NSD2: variants seen among roughly 807,000 people sequenced by gnomAD.
NSD2 encodes the protein histone-lysine N-methyltransferase NSD2.
A neutral mutation model predicts 139.0 loss-of-function variants in NSD2; 12 were observed. That is an observed-to-expected ratio of 0.09 (90% confidence interval 0.06 to 0.14). The LOEUF (loss-of-function observed/expected upper bound fraction) is 0.14. Among genes scored for constraint, NSD2 ranks in the 10% least tolerant of loss-of-function variants. The pLI, the probability that NSD2 is intolerant of heterozygous loss-of-function variation, is 1.00. For missense variants in NSD2, 1,155 were observed against 1,745.0 expected (o/e 0.66, Z 6.02); for synonymous variants, 669 against 648.7 (o/e 1.03, Z -0.48).
At chr4:1,949,919 C>T (rs1724037597) in intron 9 of NSD2, among the ~76,000 whole-genome samples, 3 of 152,162 alleles carry the variant, frequency 2.0e-5, no homozygotes, top group African/African-American at 7.2e-5. Flanking sequence ...TCAAGAGTCC[C>T]TGGTGGGGTT....
intron 1 of NSD2, among the ~76,000 whole-genome samples, chr4:1,895,047 G>A (rs868368136): frequency 2.0e-5 from 3 of 152,174 alleles, no homozygotes; most frequent in South Asian, 2.1e-4. Flanking sequence ...TGTCTTTTTT[G>A]TGTCTGCCTT....
chr4:1,932,778 T>TG, intron 6 of NSD2, among the ~76,000 whole-genome samples: 1 of 152,286 alleles, frequency 6.6e-6, no homozygotes, highest in Non-Finnish European at 1.5e-5. Context: ...TCCATACAGA[T>TG]GCCCCTGTTG....
At chr4:1,953,606 G>C in intron 12 of NSD2, 82 bp downstream of exon 12, 3 of 1,475,822 alleles carry the variant, frequency 2.0e-6, no homozygotes, top group East Asian at 2.3e-5. Flanking sequence ...AAGGTGGGCT[G>C]TTGGGATTGT....
At chr4:1,967,654 A>G (rs1212572952) in intron 18 of NSD2, among the ~76,000 whole-genome samples, 1 of 152,112 alleles carries the variant, frequency 6.6e-6, no homozygotes, top group East Asian at 1.9e-4. Flanking sequence ...GTGTTGCCAG[A>G]CACTGAGGTT....
chr4:1,938,584 C>CTGGGTGGGG, intron 8 of NSD2, 52 bp downstream of exon 8: 1 of 511,660 alleles, frequency 2.0e-6, no homozygotes, highest in East Asian at 4.7e-5. Context: ...CCAGGCTGGG[C>CTGGGTGGGG]TGGGTGGGTG....
At chr4:1,977,332 G>C (rs1222409755) in intron 21 of NSD2, among the ~76,000 whole-genome samples, 1 of 152,250 alleles carries the variant, frequency 6.6e-6, no homozygotes, top group Non-Finnish European at 1.5e-5. Context: ...TGAGAAATGG[G>C]TCGTGAGATG....
chr4:1,925,263 A>G (rs963535332), intron 5 of NSD2, among the ~76,000 whole-genome samples: 1 of 152,086 alleles, frequency 6.6e-6, no homozygotes, highest in Non-Finnish European at 1.5e-5. Context: ...CTTGAGGGAT[A>G]GAGTCAGGTG....
intron 1 of NSD2, among the ~76,000 whole-genome samples, chr4:1,882,868 C>A (rs1324710605): frequency 6.6e-6 from 1 of 152,146 alleles, no homozygotes; most frequent in East Asian, 1.9e-4. Context: ...TGGGGCCCAA[C>A]AATCTGTGTT....
At chr4:1,924,662 G>T (rs906631039) in intron 5 of NSD2, among the ~76,000 whole-genome samples, 1 of 151,964 alleles carries the variant, frequency 6.6e-6, no homozygotes, top group Non-Finnish European at 1.5e-5. Context: ...TGTAATCCCA[G>T]CACCTTGGGA....
Position 1,982,072 on chromosome 4 carries a change from G to A in NSD2, c.*3163G>A, listed in dbSNP as rs1412306076. The A allele has an allele frequency of 1.5e-5, 6 of 397,272 alleles. No individual in the cohort carries two copies. The highest frequency in any genetic ancestry group is 6.2e-5 in the African/African-American group (3 of 48,606). 24.6% of individuals were successfully genotyped at this position (397,272 alleles called of 1,614,324 possible). ...AAACTTGAAATTCACTTTTTGGGGG[G>A]AGGGATATACTGAAATAGAGAGTTG... On this transcript the variant is annotated 3_prime_UTR_variant, in exon 22 of 22. Transcript: ENST00000508803.
At chr4:1,961,619 G>A (rs1455432663) in intron 18 of NSD2, among the ~76,000 whole-genome samples, 3 of 152,230 alleles carry the variant, frequency 2.0e-5, no homozygotes, top group Admixed American at 6.5e-5. Context: ...GAACCTAGGT[G>A]CTAGAGGGAT....
At position 1,972,309 on chromosome 4, in the gene NSD2, G is replaced by A. The variant is rs1726579977; in HGVS notation, c.3373-2554G>A. On this transcript the variant is annotated intron_variant, in intron 18 of 21. Coordinates refer to ENST00000508803, the MANE Select transcript of NSD2 (RefSeq NM_001042424.3). The surrounding 1 kb of genome is among the most constrained non-coding windows in gnomAD (Gnocchi z 4.0). ...GGCGGTACAGGCTATGTCTCAGCTG[G>A]GAAAGGAGAGGCTGTGAGGGTGGAA... Among the ~76,000 whole-genome samples the A allele has an allele frequency of 6.6e-6, 1 of 152,238 alleles. No individual in the cohort carries two copies.
intron 1 of NSD2, among the ~76,000 whole-genome samples, chr4:1,877,745 A>AGT (rs929545496): frequency 2.0e-5 from 3 of 152,036 alleles, no homozygotes; most frequent in Non-Finnish European, 4.4e-5. Flanking sequence ...GCCTCCGACT[A>AGT]GTGCCCTTGT....
At chr4:1,939,951 GCACT>G in intron 9 of NSD2, 173 bp downstream of exon 9, 1 of 1,463,084 alleles carries the variant, frequency 6.8e-7, no homozygotes, top group Non-Finnish European at 9.0e-7. Flanking sequence ...GACAAACAGT[GCACT>G]ATGTTAGTTT....
intron 5 of NSD2, among the ~76,000 whole-genome samples, chr4:1,923,058 C>T (rs865936285): frequency 6.6e-6 from 1 of 152,060 alleles, no homozygotes; most frequent in African/African-American, 2.4e-5. Context: ...CTGCACTGGA[C>T]GTGGTGCTGG....
chr4:1,926,513 C>T (rs904054038), intron 5 of NSD2, among the ~76,000 whole-genome samples: 4 of 151,854 alleles, frequency 2.6e-5, no homozygotes, highest in South Asian at 2.1e-4. Context: ...CTCTGTTGCC[C>T]AGGCTGGATT....
intron 3 of NSD2, among the ~76,000 whole-genome samples, chr4:1,913,644 T>C (rs1718977500): frequency 6.6e-6 from 1 of 152,198 alleles, no homozygotes; most frequent in Middle Eastern, 3.2e-3. Context: ...GGGCCCCCTG[T>C]CTGGTGGACA....
chr4:1,946,981 A>G, intron 9 of NSD2: 1 of 1,062,640 alleles, frequency 9.4e-7, no homozygotes, highest in South Asian at 4.6e-5. Flanking sequence ...CATGCTGACC[A>G]TCCAGGCATA....
chr4:1,904,614 A>G (rs983455426), intron 3 of NSD2, among the ~76,000 whole-genome samples: 3 of 152,318 alleles, frequency 2.0e-5, no homozygotes, highest in Middle Eastern at 3.4e-3. Context: ...TTTGCCTTGT[A>G]TAACTTCTGT....
Sources: gnomAD v4.1 joint callset for allele counts (sites outside exome capture counted in the v4.1 genomes callset) on GRCh38, gnomAD v4.1.1 for gene constraint, Gnocchi (gnomAD v3.1) non-coding constraint, MANE v1.5 for transcripts, NCBI Gene and HGNC (gene_info 2026-07-23, HGNC 2026-07-21) for gene names.